ROR2: variants seen among roughly 807,000 people sequenced by gnomAD.
ROR2 encodes the protein tyrosine-protein kinase transmembrane receptor ROR2.
ROR2 carries 33 observed loss-of-function variants against 74.9 expected under a neutral mutation model. The ratio of observed to expected loss-of-function variants is 0.44; its 90% CI spans 0.33 to 0.59. ROR2 has a LOEUF of 0.59. ROR2 is among the 20% of genes least tolerant of loss of function. The probability of loss-of-function intolerance (pLI) is 0.02; values close to 1 mark genes in which losing one functional copy is unlikely to be tolerated. For synonymous variants in ROR2, 586 were observed against 558.7 expected, an observed-to-expected ratio of 1.05 and a Z score of -0.69; for missense variants, 1,216 against 1,313.8, an observed-to-expected ratio of 0.93 and a Z score of 1.15.
At chr9:91,920,651 C>G (rs1348346258) in intron 1 of ROR2, among the ~76,000 whole-genome samples, 5 of 152,222 alleles carry the variant, frequency 3.3e-5, no homozygotes, top group African/African-American at 1.2e-4. Context: ...GTCTCAGGTG[C>G]TTCCAGGCAC....
intron 1 of ROR2, among the ~76,000 whole-genome samples, chr9:91,899,820 G>A (rs542929521): frequency 2.0e-4 from 30 of 151,976 alleles, no homozygotes; most frequent in East Asian, 7.7e-4. Context: ...GTACGCACAC[G>A]TACACATACA....
intron 1 of ROR2, among the ~76,000 whole-genome samples, chr9:91,941,146 C>G (rs1311576872): frequency 6.6e-6 from 1 of 151,788 alleles, no homozygotes; most frequent in Non-Finnish European, 1.5e-5. Context: ...TACAGGCGCC[C>G]ACCACCGTGC....
intron 1 of ROR2, 65 bp from the exon 2 acceptor site, chr9:91,775,883 C>T: frequency 4.3e-6 from 6 of 1,393,772 alleles, no homozygotes; most frequent in Non-Finnish European, 6.1e-6. Flanking sequence ...TAATTTGCTT[C>T]TTATGCAAAG....
At position 91,724,378 on chromosome 9, in the gene ROR2, G is replaced by C; in HGVS notation, c.2116C>G (p.Arg706Gly). 1 of 1,613,982 alleles carries C rather than the reference G, an allele frequency of 6.2e-7. No individual in the cohort carries two copies. Among genetic ancestry groups the C allele is most frequent in the Non-Finnish European group, 8.5e-7 (1 of 1,180,014 alleles). The change falls in exon 9 of 9, where the codon CGG becomes GGG. Residue 706 changes from arginine to glycine, a missense_variant. Coordinates refer to ENST00000375708, the MANE Select transcript of ROR2 (RefSeq NM_004560.4). ...YSNQDVVEMIRNRQVLPCPDD... is the reference protein window; with the variant it reads ...YSNQDVVEMIGNRQVLPCPDD... ...GGGCAAGGCAGCACCTGCCGGTTCCGGATCATCTCCACCACATCCTGGTTG... is the reference window on the plus strand; with the variant it reads ...GGGCAAGGCAGCACCTGCCGGTTCCCGATCATCTCCACCACATCCTGGTTG...
intron 2 of ROR2, among the ~76,000 whole-genome samples, chr9:91,767,882 T>C (rs1037915473): frequency 2.6e-5 from 4 of 152,216 alleles, no homozygotes; most frequent in African/African-American, 9.6e-5. Context: ...CAGCCACTCA[T>C]GCTGAAGTCC....
intron 1 of ROR2, among the ~76,000 whole-genome samples, chr9:91,849,423 C>T (rs1275807437): frequency 2.0e-5 from 3 of 152,230 alleles, no homozygotes; most frequent in African/African-American, 7.2e-5. Context: ...CCCCTCTTCT[C>T]TTCAACTTTC....
intron 1 of ROR2, among the ~76,000 whole-genome samples, chr9:91,823,283 TG>T (rs1828189333): frequency 6.6e-6 from 1 of 152,080 alleles, no homozygotes; most frequent in South Asian, 2.1e-4. Context: ...CTCACATATT[TG>T]GGGCAGGGGC....
At chr9:91,887,948 C>T (rs1452219479) in intron 1 of ROR2, among the ~76,000 whole-genome samples, 1 of 151,960 alleles carries the variant, frequency 6.6e-6, no homozygotes, top group East Asian at 1.9e-4. Context: ...CGAGCCACCA[C>T]TCCCAGCTAA....
intron 1 of ROR2, among the ~76,000 whole-genome samples, chr9:91,917,436 G>A (rs927653195): frequency 1.3e-5 from 2 of 152,206 alleles, no homozygotes; most frequent in Admixed American, 6.5e-5. Context: ...AGGTGTGGAC[G>A]CTGACACATT....
chr9:91,896,454 G>A (rs1564025630), intron 1 of ROR2, among the ~76,000 whole-genome samples: 1 of 152,174 alleles, frequency 6.6e-6, no homozygotes, highest in Admixed American at 6.5e-5. Flanking sequence ...TTTTTCCTTC[G>A]GCTTCTGGAA....
intron 1 of ROR2, among the ~76,000 whole-genome samples, chr9:91,932,800 G>C (rs1429898033): frequency 3.3e-5 from 5 of 152,194 alleles, no homozygotes; most frequent in African/African-American, 1.2e-4. Context: ...TTACTTATAA[G>C]GACAGTTGGC....
rs749699077 is a variant in ROR2 at position 91,757,290 on chromosome 9, C to T, written c.445G>A (p.Val149Ile). ...NGMKTITATGVLFVRLGPTHS... is the reference protein window; with the variant it reads ...NGMKTITATGILFVRLGPTHS... Reference sequence around the variant, plus strand: ...AACTCACCCAGCCGCACAAACAGGACGCCAGTGGCGGTAATGGTCTTCATC... The same window carrying T: ...AACTCACCCAGCCGCACAAACAGGATGCCAGTGGCGGTAATGGTCTTCATC... The change falls in exon 3 of 9, where the codon GTC (valine) becomes ATC (isoleucine). Residue 149 changes from valine to isoleucine, a missense_variant. By Grantham distance (29) the Val-to-Ile change is conservative. Transcript: ENST00000375708. 4.3e-6 allele frequency: 7 copies of T among 1,613,884 alleles called. No individual in the cohort carries two copies. The highest frequency in any genetic ancestry group is 1.3e-5 in the African/African-American group (1 of 74,880).
chr9:91,790,492 G>A (rs904266697), intron 1 of ROR2, among the ~76,000 whole-genome samples: 1 of 149,206 alleles, frequency 6.7e-6, no homozygotes, highest in Non-Finnish European at 1.5e-5. Context: ...CCTGGTGACA[G>A]AGCGAGACTC....
At chr9:91,755,945 G>A in intron 4 of ROR2, 126 bp downstream of exon 4, 1 of 980,950 alleles carries the variant, frequency 1.0e-6, no homozygotes, top group Non-Finnish European at 1.7e-6. Flanking sequence ...CCACCCCTGT[G>A]TGAAGCCCAG....
intron 1 of ROR2, among the ~76,000 whole-genome samples, chr9:91,835,134 T>C (rs1325307479): frequency 6.7e-6 from 1 of 149,482 alleles, no homozygotes; most frequent in East Asian, 1.9e-4. Flanking sequence ...GCAGTCTTCA[T>C]GTGCTGCCCC....
chr9:91,870,597 G>C (rs942250123), intron 1 of ROR2, among the ~76,000 whole-genome samples: 1 of 152,222 alleles, frequency 6.6e-6, no homozygotes, highest in Non-Finnish European at 1.5e-5. Context: ...TTTTACAAAA[G>C]AAGGAAACAT....
chr9:91,873,525 T>A (rs547325597), intron 1 of ROR2, among the ~76,000 whole-genome samples: 3 of 152,122 alleles, frequency 2.0e-5, no homozygotes, highest in South Asian at 2.1e-4. Flanking sequence ...GAGGCGGAGG[T>A]TGCAGTGAGC....
At chr9:91,802,698 G>A (rs911910078) in intron 1 of ROR2, among the ~76,000 whole-genome samples, 5 of 152,074 alleles carry the variant, frequency 3.3e-5, no homozygotes, top group African/African-American at 4.8e-5. Flanking sequence ...CAAGGGAAAC[G>A]GACTGAATCC....
At chr9:91,806,682 C>T (rs983192918) in intron 1 of ROR2, among the ~76,000 whole-genome samples, 28 of 152,262 alleles carry the variant, frequency 1.8e-4, no homozygotes, top group African/African-American at 6.0e-4. Flanking sequence ...CTCTGCCTCC[C>T]GGGTTCACGC....
Sources: gnomAD v4.1 joint callset for allele counts (sites outside exome capture counted in the v4.1 genomes callset) on GRCh38, gnomAD v4.1.1 for gene constraint, MANE v1.5 for transcripts, NCBI Gene and HGNC (gene_info 2026-07-23, HGNC 2026-07-21) for gene names.